The following RCN2 variants were observed in gnomAD, a reference collection of about 807,000 sequenced individuals.
RCN2 encodes the protein reticulocalbin-2.
In RCN2, 23 loss-of-function variants were observed where a neutral mutation model predicts 37.5. The observed-to-expected ratio is 0.61, with a 90% CI of 0.44 to 0.87. RCN2 has a LOEUF of 0.87. Ranked by LOEUF, RCN2 falls within the 40% of genes least tolerant of loss-of-function variation. The probability of loss-of-function intolerance (pLI) is 0.00; values close to 1 mark genes in which losing one functional copy is unlikely to be tolerated. For synonymous variants in RCN2, 140 were observed against 144.6 expected (o/e 0.97, Z 0.23); for missense variants, 381 against 390.4 (o/e 0.98, Z 0.20).
At chr15:76,946,422 C>G (rs1267066740) in intron 4 of RCN2, among the ~76,000 whole-genome samples, 1 of 151,062 alleles carries the variant, frequency 6.6e-6, no homozygotes, top group Non-Finnish European at 1.5e-5. Flanking sequence ...GCTCTCTAGC[C>G]TGGGTGACAG....
In RCN2 at chr15:76,931,832, G is replaced by A. The variant is rs2075223528; in HGVS notation, c.-10G>A. The A allele has an allele frequency of 2.4e-6, 3 of 1,226,374 alleles. No individual in the cohort carries two copies. Among genetic ancestry groups the A allele is most frequent in the South Asian group, 3.4e-5 (1 of 29,228 alleles). The allele number at this position is 1,226,374 out of a possible 1,614,324, so 76.0% of individuals were successfully genotyped here. ...CTCGCGTCCCTCGGTGTCCTCCGCG[G>A]GCCGGCGCGATGCGGCTGGGCCCGA... is the stretch of plus-strand genomic sequence containing the variant. On this transcript the variant is annotated 5_prime_UTR_variant, in exon 1 of 7. Coordinates refer to ENST00000394885, the MANE Select transcript of RCN2 (RefSeq NM_002902.3).
In RCN2 at chr15:76,951,926, A is replaced by G. The variant is rs2075322509; in HGVS notation, c.*2704A>G. On this transcript the variant is annotated 3_prime_UTR_variant, in exon 7 of 7. Transcript: ENST00000394885. ...TTGCAGGACAGAAAATGATGTCTAG[A>G]TTATGATATAAATTTAAAGGAAGCC... 6.6e-6 allele frequency: 1 copy of G among 152,124 alleles called. No individual in the cohort carries two copies. The highest frequency in any genetic ancestry group is 1.5e-5 in the Non-Finnish European group (1 of 68,028). The allele number at this position is 152,124 out of a possible 1,614,324, so 9.4% of individuals were successfully genotyped here.
intron 2 of RCN2, 83 bp downstream of exon 2, chr15:76,932,549 AGTGT>A: frequency 1.1e-6 from 1 of 922,918 alleles, no homozygotes; most frequent in Non-Finnish European, 1.7e-6. Flanking sequence ...ATAGATTGCT[AGTGT>A]CCCAAGTTGG....
chr15:76,946,387 A>G (rs1318659980), intron 4 of RCN2, among the ~76,000 whole-genome samples: 1 of 151,920 alleles, frequency 6.6e-6, no homozygotes, highest in Non-Finnish European at 1.5e-5. Flanking sequence ...GTTGGAGCCT[A>G]TGATGCCACT....
intron 3 of RCN2, among the ~76,000 whole-genome samples, chr15:76,940,715 ATTTTTG>A (rs1168107910): frequency 6.6e-6 from 1 of 151,154 alleles, no homozygotes; most frequent in Non-Finnish European, 1.5e-5. Flanking sequence ...TACCTGGCTG[ATTTTTG>A]TTTTTGTTTT....
In RCN2 at chr15:76,947,514, C is replaced by A. The variant is rs2075301293; in HGVS notation, c.655C>A (p.Pro219Thr). 1.9e-6 allele frequency: 3 copies of A among 1,566,264 alleles called. No individual in the cohort carries two copies. The highest frequency in any genetic ancestry group is 1.8e-5 in the Admixed American group (1 of 56,802). The change falls in exon 5 of 7, where the codon CCA becomes ACA. Residue 219 changes from proline to threonine, a missense_variant. Transcript: ENST00000394885. ...EEFLGDYRWD[P>T]TANEDPEWIL... Reference sequence around the variant, plus strand: ...ATTTCTTGGTGATTACAGGTGGGATCCAAGTAAGTCACCTGGGAGAATGTG... The same window carrying A: ...ATTTCTTGGTGATTACAGGTGGGATACAAGTAAGTCACCTGGGAGAATGTG...
In RCN2 at chr15:76,950,514, G is replaced by C. The variant is rs945726948; in HGVS notation, c.*1292G>C. The C allele has an allele frequency of 6.7e-6, 1 of 149,832 alleles. No homozygotes were observed. The highest frequency in any genetic ancestry group is 1.5e-5 in the Non-Finnish European group (1 of 67,758). The allele number at this position is 149,832 out of a possible 1,614,324, so 9.3% of individuals were successfully genotyped here. A position where few individuals can be genotyped will look rare whatever the true frequency, so the allele number is the denominator to read the frequency against. ...CGCCATTCTCCTGCCTCAGCCTCCCGAGTAGCTGGGACTACAGGCGCCTGC... is the reference window on the plus strand; with the variant it reads ...CGCCATTCTCCTGCCTCAGCCTCCCCAGTAGCTGGGACTACAGGCGCCTGC... On this transcript the variant is annotated 3_prime_UTR_variant, in exon 7 of 7. Coordinates refer to ENST00000394885, the MANE Select transcript of RCN2 (RefSeq NM_002902.3).
intron 3 of RCN2, chr15:76,942,023 G>C (rs575992918): frequency 5.5e-6 from 1 of 183,110 alleles, no homozygotes; most frequent in South Asian, 1.9e-4. Flanking sequence ...AAATTATTTG[G>C]TCTAGTTATT....
Position 76,952,548 on chromosome 15 carries a change from G to A in RCN2, c.*3326G>A, listed in dbSNP as rs764756263. On this transcript the variant is annotated 3_prime_UTR_variant, in exon 7 of 7. Transcript: ENST00000394885. The stretch of plus-strand genomic sequence containing the variant: ...CCTTCCATCTCCATGAACTTCATTT[G>A]TAAAACGGAAATTTATACCCATTAA... The A allele has an allele frequency of 6.6e-6, 1 of 152,144 alleles. No individual in the cohort carries two copies. Among genetic ancestry groups the A allele is most frequent in the Non-Finnish European group, 1.5e-5 (1 of 68,030 alleles). 9.4% of individuals were successfully genotyped at this position (152,144 alleles called of 1,614,324 possible). A position where few individuals can be genotyped will look rare whatever the true frequency, so the allele number is the denominator to read the frequency against.
Position 76,931,956 on chromosome 15 carries a change from T to C in RCN2, c.115T>C (p.Tyr39His). 7.8e-7 allele frequency: 1 copy of C among 1,278,902 alleles called. No individual in the cohort carries two copies. The highest frequency in any genetic ancestry group is 9.8e-7 in the Non-Finnish European group (1 of 1,018,058). The allele number at this position is 1,278,902 out of a possible 1,614,324, so 79.2% of individuals were successfully genotyped here. The change falls in exon 1 of 7, where the codon TAC becomes CAC. Residue 39 changes from tyrosine (Y) to histidine (H), a missense_variant. By Grantham distance (83) the Tyr-to-His change is moderately conservative. Transcript: ENST00000394885. ...CCCGCTGGGCGAGCGCCGCAGCGAC[T>C]ACGACCGCGAGGCGCTGCTGGGCGT... is the stretch of plus-strand genomic sequence containing the variant. Reference protein sequence around the residue: ...HYPLGERRSDYDREALLGVQE... With the variant: ...HYPLGERRSDHDREALLGVQE...
chr15:76,949,458 C>A lies in RCN2; in HGVS notation c.*236C>A, dbSNP rs1171314217. 6.0e-6 allele frequency: 2 copies of A among 331,004 alleles called. No individual in the cohort carries two copies. The highest frequency in any genetic ancestry group is 1.1e-5 in the Non-Finnish European group (2 of 183,742). 20.5% of individuals were successfully genotyped at this position (331,004 alleles called of 1,614,324 possible). A position where few individuals can be genotyped will look rare whatever the true frequency, so the allele number is the denominator to read the frequency against. On this transcript the variant is annotated 3_prime_UTR_variant, in exon 7 of 7. Transcript: ENST00000394885. Reference sequence around the variant, plus strand: ...ATATTGTGCCATATGACAACAAAGTCTTTCCTAAATACTCCATCTGTTTAG... The same window carrying A: ...ATATTGTGCCATATGACAACAAAGTATTTCCTAAATACTCCATCTGTTTAG...
chr15:76,934,174 G>A (rs1384304094), intron 2 of RCN2, among the ~76,000 whole-genome samples: 1 of 150,388 alleles, frequency 6.6e-6, no homozygotes, highest in Non-Finnish European at 1.5e-5. Context: ...GCAGAGTCTC[G>A]CTCTTGTCAC....
At chr15:76,945,823 C>A (rs1401856366) in intron 4 of RCN2, among the ~76,000 whole-genome samples, 3 of 152,226 alleles carry the variant, frequency 2.0e-5, no homozygotes, top group Non-Finnish European at 4.4e-5. Context: ...TACCACTTCT[C>A]TTGCCATTGT....
At chr15:76,932,488 T>C (rs1280880496) in intron 2 of RCN2, 22 bp downstream of exon 2, 7 of 1,468,810 alleles carry the variant, frequency 4.8e-6, no homozygotes, top group African/African-American at 1.4e-5. Flanking sequence ...CCTACACGAC[T>C]AACAATGGAG....
chr15:76,940,546 CTTTTT>C (rs11463370), intron 3 of RCN2, among the ~76,000 whole-genome samples: 1 of 119,660 alleles, frequency 8.4e-6, no homozygotes, highest in African/African-American at 3.1e-5. Context: ...TGAACTTCAC[CTTTTT>C]TTTTTTTTTT....
At chr15:76,937,520 A>G (rs1005794060) in intron 3 of RCN2, among the ~76,000 whole-genome samples, 10 of 151,844 alleles carry the variant, frequency 6.6e-5, no homozygotes, top group African/African-American at 2.4e-4. Flanking sequence ...CAGTCCTCCC[A>G]GCACAGCCCC....
In RCN2 at chr15:76,931,934, G is replaced by T; in HGVS notation, c.93G>T (p.Pro31=). 7.7e-7 allele frequency: 1 copy of T among 1,304,956 alleles called. No individual in the cohort carries two copies. Among genetic ancestry groups the T allele is most frequent in the Non-Finnish European group, 9.7e-7 (1 of 1,029,354 alleles). The allele number at this position is 1,304,956 out of a possible 1,614,324, so 80.8% of individuals were successfully genotyped here. ...GCAAGGCCGAGGAGCTGCACTACCC[G>T]CTGGGCGAGCGCCGCAGCGACTACG... The part of the protein sequence containing the change: ...GAGKAEELHY[P]LGERRSDYDR... The change falls in exon 1 of 7, where the codon CCG becomes CCT. Residue 31 remains proline (P), a synonymous_variant. Coordinates refer to ENST00000394885, the MANE Select transcript of RCN2 (RefSeq NM_002902.3).
intron 4 of RCN2, 113 bp downstream of exon 4, chr15:76,943,984 CTTTTTTTT>C (rs11361216): frequency 1.7e-4 from 16 of 96,396 alleles, no homozygotes; most frequent in East Asian, 2.6e-4. Context: ...ATACATGAGA[CTTTTTTTT>C]TTTTTTTTTT....
intron 4 of RCN2, among the ~76,000 whole-genome samples, chr15:76,945,434 T>G (rs1472523669): frequency 6.6e-6 from 1 of 152,218 alleles, no homozygotes; most frequent in Non-Finnish European, 1.5e-5. Context: ...TTTGCAATTT[T>G]AAGTATAATG....
Sources: allele counts gnomAD v4.1 joint callset (sites outside exome capture counted in the v4.1 genomes callset), GRCh38; gene constraint gnomAD v4.1.1; transcripts MANE v1.5; gene names NCBI Gene and HGNC (gene_info 2026-07-23, HGNC 2026-07-21).